Variants in AQR observed in about 807,000 individuals in gnomAD.
AQR encodes the protein RNA helicase aquarius.
In AQR, 61 loss-of-function variants were observed where a neutral mutation model predicts 180.5. The observed-to-expected ratio is 0.34, with a 90% CI of 0.28 to 0.42. The LOEUF (loss-of-function observed/expected upper bound fraction) is 0.42, where lower values mean the gene tolerates loss of function less well. AQR is among the 10% of genes least tolerant of loss of function. AQR has a pLI of 1.00. For synonymous variants in AQR, 551 were observed against 588.8 expected (o/e 0.94, Z 0.93); for missense variants, 1,281 against 1,798.3 (o/e 0.71, Z 5.20).
At chr15:34,920,721 G>A (rs1893670600) in intron 13 of AQR, among the ~76,000 whole-genome samples, 1 of 152,164 alleles carries the variant, frequency 6.6e-6, no homozygotes, top group Admixed American at 6.5e-5. Context: ...CACTTTGGGA[G>A]GCCGAGGCAG....
At chr15:34,905,104 G>A (rs1261404454) in intron 18 of AQR, among the ~76,000 whole-genome samples, 1 of 134,480 alleles carries the variant, frequency 7.4e-6, no homozygotes, top group Non-Finnish European at 1.6e-5. Flanking sequence ...TTTGGGGGGG[G>A]TGGGGGGAAG....
chr15:34,948,423 C>T (rs1252892578), intron 4 of AQR, 39 bp from the exon 5 acceptor site: 18 of 1,598,236 alleles, frequency 1.1e-5, no homozygotes, highest in Non-Finnish European at 1.5e-5. Context: ...TCATTAGTTA[C>T]CACCACTCAC....
intron 5 of AQR, among the ~76,000 whole-genome samples, chr15:34,947,272 C>A (rs1368517811): frequency 6.6e-6 from 1 of 151,514 alleles, no homozygotes; most frequent in Non-Finnish European, 1.5e-5. Flanking sequence ...GGATTAAGGG[C>A]GGTGCAAGAT....
intron 1 of AQR, chr15:34,964,497 A>G (rs1285866567): frequency 3.0e-6 from 2 of 667,916 alleles, no homozygotes; most frequent in Admixed American, 2.1e-5. Flanking sequence ...TTGCACTACA[A>G]CATGCCATTG....
rs1213027299 is a variant in AQR, at chr15:34,940,188, T to C, written c.641+711A>G. ...CAATGACTAGAGTAGTCCAGTGATT[T>C]GCAAGAGTCACAAGAAACAGCTGCA... On this transcript the variant is annotated intron_variant, in intron 8 of 34. Transcript: ENST00000156471. Among the ~76,000 whole-genome samples the C allele has an allele frequency of 4.6e-5, 7 of 152,328 alleles. No homozygotes were observed. In the East Asian group the frequency reaches 1.2e-3, roughly 25 times the overall value.
At chr15:34,929,740 T>C (rs1893822587) in intron 12 of AQR, among the ~76,000 whole-genome samples, 1 of 151,902 alleles carries the variant, frequency 6.6e-6, no homozygotes, top group African/African-American at 2.4e-5. Flanking sequence ...AATAGCTGGA[T>C]TACTTTAAAC....
At chr15:34,967,518 G>A (rs16960208) in intron 1 of AQR, among the ~76,000 whole-genome samples, 7,765 of 152,176 alleles carry the variant, frequency 0.051, 281 homozygotes, top group African/African-American at 0.1. Context: ...CTCTAATCTC[G>A]TTTAAGTTGT....
chr15:34,930,192 A>G, intron 12 of AQR, 66 bp downstream of exon 12: 1 of 977,346 alleles, frequency 1.0e-6, no homozygotes. Flanking sequence ...GTACCTATAC[A>G]AAACCTAAAT....
intron 26 of AQR, 37 bp from the exon 27 acceptor site, chr15:34,882,676 A>G (rs775619149): frequency 6.3e-7 from 1 of 1,584,368 alleles, no homozygotes; most frequent in Non-Finnish European, 8.6e-7. Context: ...TAATTTTAGG[A>G]AAACGGAGTT....
In AQR at chr15:34,893,651, A is replaced by ACACACACACG; in HGVS notation, c.2571+11_2571+12insCGTGTGTGTG. On this transcript the variant is annotated intron_variant, in intron 23 of 34. Coordinates refer to ENST00000156471, the MANE Select transcript of AQR (RefSeq NM_014691.3). ...CACACACACACACACACACACACAC[A>ACACACACACG]CAGTCATTTACCTGATTGGAATGAG... is the stretch of plus-strand genomic sequence containing the variant. 6.3e-7 allele frequency: 1 copy of ACACACACACG among 1,588,494 alleles called. No individual in the cohort carries two copies. The highest frequency in any genetic ancestry group is 8.6e-7 in the Non-Finnish European group (1 of 1,160,460).
Position 34,920,430 on chromosome 15 carries a change from T to C in AQR, c.1123A>G (p.Asn375Asp), listed in dbSNP as rs1893666373. The change falls in exon 14 of 35, where the codon AAC becomes GAC. Residue 375 changes from asparagine (N) to aspartate (D), a missense_variant. Coordinates refer to ENST00000156471, the MANE Select transcript of AQR (RefSeq NM_014691.3). ...TATGATGCCACCTGGTGGAGTGTGT[T>C]TGAACTGCAGAATAGAGAACAATAT... ...LVKFFGPLSS[N>D]TLHQVASYLC... is the part of the protein sequence containing the mutation. The C allele has an allele frequency of 6.2e-7, 1 of 1,609,308 alleles. No homozygotes were observed.
At chr15:34,947,324 A>G (rs1478783136) in intron 5 of AQR, among the ~76,000 whole-genome samples, 1 of 151,164 alleles carries the variant, frequency 6.6e-6, no homozygotes, top group Non-Finnish European at 1.5e-5. Context: ...ATGCTCGTTA[A>G]GAGTCATCAC....
At chr15:34,959,596 C>A (rs1417151059) in intron 3 of AQR, among the ~76,000 whole-genome samples, 3 of 152,186 alleles carry the variant, frequency 2.0e-5, no homozygotes, top group Non-Finnish European at 4.4e-5. Context: ...CCCAATCCTA[C>A]CCCCAACAAC....
intron 9 of AQR, among the ~76,000 whole-genome samples, chr15:34,937,247 G>A (rs1055049831): frequency 8.5e-6 from 1 of 117,452 alleles, no homozygotes; most frequent in Non-Finnish European, 2.1e-5. Context: ...CTGTGGTCTC[G>A]ATCTCCTGAC....
At chr15:34,890,707 A>G (rs1893131349) in intron 23 of AQR, among the ~76,000 whole-genome samples, 1 of 152,224 alleles carries the variant, frequency 6.6e-6, no homozygotes, top group Admixed American at 6.5e-5. Context: ...AAAGACAATA[A>G]GAAGGCAGTG....
At chr15:34,869,208 G>C (rs1892780397) in intron 31 of AQR, 1 of 151,936 alleles carries the variant, frequency 6.6e-6, no homozygotes, top group South Asian at 2.1e-4. Flanking sequence ...CCATTCTTTT[G>C]GGTAGGTAGT....
chr15:34,900,775 G>T lies in AQR; in HGVS notation c.2090C>A (p.Pro697Gln), dbSNP rs761638000. The T allele has an allele frequency of 1.2e-6, 2 of 1,614,088 alleles. No individual in the cohort carries two copies. The highest frequency in any genetic ancestry group is 3.3e-5 in the Admixed American group (2 of 60,008). ...LHDIILGYGD[P>Q]SSAHYSKMPN... ...CATTTTCGAATAATGTGCACTACTT[G>T]GGTCCCCATAACCTAAAATGATATC... The change falls in exon 20 of 35, where the codon CCA (proline) becomes CAA (glutamine). Residue 697 changes from proline (P) to glutamine (Q), a missense_variant. By Grantham distance (76) the Pro-to-Gln change is moderately conservative. Around this residue, in one of 9 missense-constraint regions of AQR, gnomAD observed 28 missense variants for 75.3 expected, o/e 0.37. Coordinates refer to ENST00000156471, the MANE Select transcript of AQR (RefSeq NM_014691.3).
In AQR at chr15:34,856,663, G is replaced by C; in HGVS notation, c.*129C>G. ...AAATATATTCAAGACACCGAAATCA[G>C]TTAACAAATATAAGAACTAAACATT... On this transcript the variant is annotated 3_prime_UTR_variant, in exon 35 of 35. Transcript: ENST00000156471. 1 of 740,192 alleles carries C rather than the reference G, an allele frequency of 1.4e-6. No homozygotes were observed. Among genetic ancestry groups the C allele is most frequent in the Non-Finnish European group, 2.0e-6 (1 of 498,652 alleles). 45.9% of individuals were successfully genotyped at this position (740,192 alleles called of 1,614,324 possible).
chr15:34,961,534 C>A (rs977180276), intron 2 of AQR, among the ~76,000 whole-genome samples: 1 of 146,028 alleles, frequency 6.8e-6, no homozygotes, highest in Non-Finnish European at 1.5e-5. Flanking sequence ...CACTTGAACC[C>A]GGGAGGCGGA....
Sources: gnomAD v4.1 joint callset for allele counts (sites outside exome capture counted in the v4.1 genomes callset) on GRCh38, gnomAD v4.1.1 for gene constraint, gnomAD v4.1.1 regional missense constraint, MANE v1.5 for transcripts, NCBI Gene and HGNC (gene_info 2026-07-23, HGNC 2026-07-21) for gene names.